The following SUPT3H variants were observed in gnomAD, a reference collection of about 807,000 sequenced individuals.
SUPT3H encodes SPT3 homolog, SAGA and STAGA complex component.
A neutral mutation model predicts 44.3 loss-of-function variants in SUPT3H; 44 were observed. That is an observed-to-expected ratio of 0.99 (90% CI 0.78 to 1.28). The LOEUF (loss-of-function observed/expected upper bound fraction) is 1.28. Ranked by LOEUF, SUPT3H falls within the 50% of genes most tolerant of loss-of-function variation. The pLI, the probability that SUPT3H is intolerant of heterozygous loss-of-function variation, is 0.00. For missense variants in SUPT3H, 380 were observed against 387.1 expected, an observed-to-expected ratio of 0.98 and a Z score of 0.15; for synonymous variants, 124 against 125.6, an observed-to-expected ratio of 0.99 and a Z score of 0.09.
intron 10 of SUPT3H, among the ~76,000 whole-genome samples, chr6:44,850,695 T>C (rs1772717559): frequency 1.3e-5 from 2 of 152,198 alleles, no homozygotes; most frequent in Admixed American, 1.3e-4. Flanking sequence ...TTGTTCATTG[T>C]CAGTCAGAAT....
chr6:44,997,464 T>A (rs1270958579), intron 6 of SUPT3H, among the ~76,000 whole-genome samples: 6 of 151,846 alleles, frequency 4.0e-5, no homozygotes, highest in African/African-American at 1.4e-4. Flanking sequence ...TATTGAATAT[T>A]ACTGAATTTA....
At chr6:45,035,374 G>C (rs945470160) in intron 3 of SUPT3H, among the ~76,000 whole-genome samples, 3 of 151,990 alleles carry the variant, frequency 2.0e-5, no homozygotes, top group African/African-American at 7.2e-5. Context: ...AAAGTGTCTG[G>C]TACTGTTTAT....
chr6:44,811,752 G>T (rs914129932), intron 11 of SUPT3H, among the ~76,000 whole-genome samples: 8 of 152,224 alleles, frequency 5.3e-5, no homozygotes, highest in Non-Finnish European at 1.0e-4. Context: ...CTGCCAAGGT[G>T]GCAGTTATAC....
intron 6 of SUPT3H, among the ~76,000 whole-genome samples, chr6:44,995,734 C>G (rs906525167): frequency 1.3e-5 from 2 of 151,630 alleles, no homozygotes; most frequent in African/African-American, 4.8e-5. Flanking sequence ...GCACCACTTA[C>G]AAAGTAAATA....
chr6:45,350,848 C>T (rs535487161), intron 2 of SUPT3H, among the ~76,000 whole-genome samples: 4 of 152,200 alleles, frequency 2.6e-5, no homozygotes, highest in African/African-American at 7.2e-5. Context: ...TTTATAATAG[C>T]TCAGGGGTCC....
At chr6:45,299,289 T>C (rs962607582) in intron 2 of SUPT3H, among the ~76,000 whole-genome samples, 3 of 150,810 alleles carry the variant, frequency 2.0e-5, no homozygotes, top group Admixed American at 6.6e-5. Flanking sequence ...TAAGCTGAGA[T>C]TGCGCCACTG....
chr6:45,191,839 T>A (rs940809656), intron 2 of SUPT3H, among the ~76,000 whole-genome samples: 1 of 152,032 alleles, frequency 6.6e-6, no homozygotes, highest in African/African-American at 2.4e-5. Flanking sequence ...AGAGAAGATA[T>A]TATTTACTAT....
At chr6:44,842,140 T>C (rs1771045270) in intron 10 of SUPT3H, among the ~76,000 whole-genome samples, 1 of 152,040 alleles carries the variant, frequency 6.6e-6, no homozygotes, top group African/African-American at 2.4e-5. Flanking sequence ...GGTGCTGAAA[T>C]TGTGTTTAAA....
rs570446962 is a variant in SUPT3H at position 45,228,540 on chromosome 6, T to C, written c.102-122534A>G. Among the ~76,000 whole-genome samples, 264 of 152,354 alleles carry C rather than the reference T, an allele frequency of 1.7e-3. 2 individuals carry two copies. Among genetic ancestry groups the C allele is most frequent in the African/African-American group, 5.8e-3 (242 of 41,578 alleles). ...CTCTGCAGATGTTAAACTTGAATCATGTGAGCCAACTCTTTATAATAAATC... is the reference window on the plus strand; with the variant it reads ...CTCTGCAGATGTTAAACTTGAATCACGTGAGCCAACTCTTTATAATAAATC... On this transcript the variant is annotated intron_variant, in intron 2 of 10. Transcript: ENST00000371459.
In SUPT3H at chr6:44,954,393, T is replaced by C. The variant is rs972305077; in HGVS notation, c.693+102A>G. On this transcript the variant is annotated intron_variant, in intron 8 of 10. Coordinates refer to ENST00000371459, the MANE Select transcript of SUPT3H (RefSeq NM_003599.4). Reference sequence around the variant, plus strand: ...AATGCCACAGGAGAGAATTCATGGCTGTTATTACTGGTAGAGCAGCAGGGA... The same window carrying C: ...AATGCCACAGGAGAGAATTCATGGCCGTTATTACTGGTAGAGCAGCAGGGA... 2.0e-5 allele frequency: 17 copies of C among 864,228 alleles called. No homozygotes were observed. The South Asian group carries it at 2.3e-4, about 12-fold the overall frequency. 53.5% of individuals were successfully genotyped at this position (864,228 alleles called of 1,614,324 possible). A position where few individuals can be genotyped will look rare whatever the true frequency, so the allele number is the denominator to read the frequency against.
At chr6:44,812,259 G>T (rs1305693339) in intron 11 of SUPT3H, among the ~76,000 whole-genome samples, 2 of 152,098 alleles carry the variant, frequency 1.3e-5, no homozygotes, top group Non-Finnish European at 2.9e-5. Context: ...TCTGTTTCCT[G>T]TTCATTCAGA....
chr6:45,128,047 G>A (rs779110922), intron 2 of SUPT3H, among the ~76,000 whole-genome samples: 1 of 151,914 alleles, frequency 6.6e-6, no homozygotes, highest in Non-Finnish European at 1.5e-5. Flanking sequence ...CTTTATTACC[G>A]ATAATGCTTG....
At chr6:45,280,756 ACC>A in intron 2 of SUPT3H, among the ~76,000 whole-genome samples, 1 of 152,202 alleles carries the variant, frequency 6.6e-6, no homozygotes, top group South Asian at 2.1e-4. Flanking sequence ...TAGAGTGGTA[ACC>A]ATGGGATAAA....
intron 3 of SUPT3H, among the ~76,000 whole-genome samples, chr6:45,053,910 G>A (rs1382312048): frequency 7.7e-5 from 10 of 129,450 alleles, no homozygotes; most frequent in South Asian, 5.1e-4. Context: ...GCAAGACTCC[G>A]TCTCAAAAAA....
At chr6:44,857,335 C>CTCG (rs1466363966) in intron 10 of SUPT3H, among the ~76,000 whole-genome samples, 1 of 152,040 alleles carries the variant, frequency 6.6e-6, no homozygotes, top group African/African-American at 2.4e-5. Context: ...TTCTCTTAAG[C>CTCG]TCGTATGGGT....
intron 2 of SUPT3H, among the ~76,000 whole-genome samples, chr6:45,349,477 T>A (rs1791583954): frequency 6.6e-6 from 1 of 152,164 alleles, no homozygotes; most frequent in South Asian, 2.1e-4. Flanking sequence ...AACATCAACA[T>A]CACCTGGGAA....
chr6:45,253,848 C>CATATAT (rs34256293), intron 2 of SUPT3H, among the ~76,000 whole-genome samples: 2,023 of 88,718 alleles, frequency 0.023, 125 homozygotes, highest in African/African-American at 0.062. Flanking sequence ...CACATATACG[C>CATATAT]ATATATATAT....
chr6:45,253,936 C>T (rs1285331915), intron 2 of SUPT3H, among the ~76,000 whole-genome samples: 1 of 145,168 alleles, frequency 6.9e-6, no homozygotes, highest in Non-Finnish European at 1.5e-5. Context: ...AAAATACATA[C>T]ATATATACAC....
chr6:45,121,060 T>C (rs1801592080), intron 2 of SUPT3H, among the ~76,000 whole-genome samples: 1 of 152,202 alleles, frequency 6.6e-6, no homozygotes, highest in South Asian at 2.1e-4. Context: ...ATTATTATTA[T>C]ATTCAGAGGG....
Sources: gnomAD v4.1 joint callset for allele counts (sites outside exome capture counted in the v4.1 genomes callset) on GRCh38, gnomAD v4.1.1 for gene constraint, MANE v1.5 for transcripts, NCBI Gene and HGNC (gene_info 2026-07-23, HGNC 2026-07-21) for gene names.